The following COL13A1 variants were observed in gnomAD, a reference collection of about 807,000 sequenced individuals.
COL13A1 encodes the protein collagen alpha-1(XIII) chain.
Under a neutral mutation model 130.9 loss-of-function variants are expected in COL13A1, and 89 were observed. The observed-to-expected ratio is 0.68, with a 90% CI of 0.57 to 0.81. The LOEUF (loss-of-function observed/expected upper bound fraction) is 0.81, where lower values mean the gene tolerates loss of function less well. COL13A1 is among the 30% of genes least tolerant of loss of function. The pLI, the probability that COL13A1 is intolerant of heterozygous loss-of-function variation, is 0.00. For synonymous variants in COL13A1, 402 were observed against 341.6 expected (o/e 1.18, Z -1.95); for missense variants, 879 against 934.6 (o/e 0.94, Z 0.78).
intron 27 of COL13A1, 24 bp from the exon 28 acceptor site, chr10:69,928,913 A>G (rs1589586562): frequency 6.3e-7 from 1 of 1,599,222 alleles, no homozygotes. Flanking sequence ...CAGTTCTTCC[A>G]TGTGTCTTTC....
At position 69,875,169 on chromosome 10, in the gene COL13A1, T is replaced by C. The variant is rs2059451716; in HGVS notation, c.435+6T>C. On this transcript the variant is annotated splice_donor_region_variant and intron_variant, in intron 5 of 40. Coordinates refer to ENST00000645393, the MANE Select transcript of COL13A1 (RefSeq NM_001368882.1). Reference sequence around the variant, plus strand: ...TTGGGATGCCTGGACGTGTGGTGAGTTGGCCCGTTTGTACCTGCTCAGGTG... The same window carrying C: ...TTGGGATGCCTGGACGTGTGGTGAGCTGGCCCGTTTGTACCTGCTCAGGTG... The C allele has an allele frequency of 3.1e-6, 5 of 1,613,900 alleles. No individual in the cohort carries two copies. The highest frequency in any genetic ancestry group is 4.2e-6 in the Non-Finnish European group (5 of 1,179,856).
intron 5 of COL13A1, chr10:69,877,331 CCTGTGCT>C (rs1002787428): frequency 1.3e-5 from 2 of 153,070 alleles, no homozygotes; most frequent in Admixed American, 1.3e-4. Context: ...GCATCACTGA[CCTGTGCT>C]CCGTTCTTCC....
chr10:69,919,581 A>C (rs2064362128), intron 20 of COL13A1, 84 bp from the exon 21 acceptor site: 2 of 398,816 alleles, frequency 5.0e-6, no homozygotes, highest in Non-Finnish European at 8.8e-6. Context: ...TATTCTGGAA[A>C]TGCTGGTCAA....
At chr10:69,834,167 A>G (rs1439946208) in intron 2 of COL13A1, among the ~76,000 whole-genome samples, 1 of 152,112 alleles carries the variant, frequency 6.6e-6, no homozygotes, top group East Asian at 1.9e-4. Flanking sequence ...CATTAGTTCA[A>G]TTCTCACAAG....
chr10:69,919,710 G>T lies in COL13A1; in HGVS notation c.1072G>T (p.Gly358Ter). The T allele has an allele frequency of 2.5e-6, 1 of 398,852 alleles. No homozygotes were observed. Among genetic ancestry groups the T allele is most frequent in the Non-Finnish European group, 4.4e-6 (1 of 226,262 alleles). 24.7% of individuals were successfully genotyped at this position (398,852 alleles called of 1,614,324 possible). A position where few individuals can be genotyped will look rare whatever the true frequency, so the allele number is the denominator to read the frequency against. Residue 358 changes from glycine to a stop codon, truncating the protein, a stop_gained, in exon 21 of 41, where the codon GGA becomes TGA. Coordinates refer to ENST00000645393, the MANE Select transcript of COL13A1 (RefSeq NM_001368882.1). LOFTEE classifies it high-confidence loss of function. ...EGKPGPPGLLGKRGQRGEKGA... is the reference protein window; with the variant it reads ...EGKPGPPGLL ...GAAGCCGGGGCCCCCAGGTTTGCTG[G>T]GAAAGAGGGGGCAGAGGGTAGGATA...
chr10:69,933,991 T>A (rs61856644), intron 31 of COL13A1, among the ~76,000 whole-genome samples: 29,180 of 151,942 alleles, frequency 0.19, 3,597 homozygotes, highest in East Asian at 0.35. Flanking sequence ...TGAAAAAGAG[T>A]TGAAAACGAA....
chr10:69,934,498 C>A (rs2066568600), intron 31 of COL13A1, among the ~76,000 whole-genome samples: 1 of 152,214 alleles, frequency 6.6e-6, no homozygotes, highest in Admixed American at 6.5e-5. Context: ...GAGTCACTCC[C>A]CTGGCCATGC....
At chr10:69,816,945 T>G (rs1336457227) in intron 1 of COL13A1, among the ~76,000 whole-genome samples, 1 of 152,196 alleles carries the variant, frequency 6.6e-6, no homozygotes, top group Non-Finnish European at 1.5e-5. Context: ...AAGAGGATTA[T>G]TCTCTTTTCC....
intron 40 of COL13A1, among the ~76,000 whole-genome samples, chr10:69,958,019 G>A (rs558735134): frequency 1.3e-5 from 2 of 152,250 alleles, no homozygotes; most frequent in Non-Finnish European, 2.9e-5. Context: ...AGTGCACTGG[G>A]TTGGGTAAAA....
chr10:69,952,088 G>A (rs549296662), intron 38 of COL13A1, among the ~76,000 whole-genome samples: 11 of 152,196 alleles, frequency 7.2e-5, no homozygotes, highest in Non-Finnish European at 1.3e-4. Context: ...AGAAACAAAT[G>A]AATTCCTTAA....
intron 34 of COL13A1, among the ~76,000 whole-genome samples, chr10:69,940,123 G>A (rs2136058705): frequency 6.6e-6 from 1 of 152,164 alleles, no homozygotes; most frequent in South Asian, 2.1e-4. Flanking sequence ...CCCAGGGTTG[G>A]AACAGGAGTG....
At chr10:69,815,182 G>A (rs1462294492) in intron 1 of COL13A1, among the ~76,000 whole-genome samples, 4 of 152,282 alleles carry the variant, frequency 2.6e-5, no homozygotes, top group Admixed American at 2.6e-4. Context: ...TCTGGGCTGT[G>A]TCTATGCCAC....
intron 30 of COL13A1, 122 bp from the exon 31 acceptor site, chr10:69,932,438 G>A (rs185144680): frequency 1.5e-6 from 1 of 673,346 alleles, no homozygotes; most frequent in Non-Finnish European, 2.7e-6. Context: ...ATCCTCCATG[G>A]TGTTCCTTGT....
At chr10:69,929,095 A>T in intron 28 of COL13A1, 96 bp downstream of exon 28, 1 of 939,370 alleles carries the variant, frequency 1.1e-6, no homozygotes, top group South Asian at 1.6e-5. Context: ...TCCCAGCACT[A>T]CCACCATACC....
At chr10:69,809,915 C>T (rs1842512405) in intron 1 of COL13A1, among the ~76,000 whole-genome samples, 1 of 152,180 alleles carries the variant, frequency 6.6e-6, no homozygotes, top group Non-Finnish European at 1.5e-5. Flanking sequence ...CTGAACTGGC[C>T]ACTAGGAAGC....
Position 69,802,262 on chromosome 10 carries a change from G to A in COL13A1, c.-162G>A. On this transcript the variant is annotated 5_prime_UTR_variant, in exon 1 of 41. Transcript: ENST00000645393. ...CTTTTTCGGCACTTCCTCTCCTACT[G>A]CTAATTTTTCCGTCCTCTTTGCCGG... 1.2e-6 allele frequency: 1 copy of A among 849,696 alleles called. No individual in the cohort carries two copies. The highest frequency in any genetic ancestry group is 1.6e-6 in the Non-Finnish European group (1 of 607,976). The allele number at this position is 849,696 out of a possible 1,614,324, so 52.6% of individuals were successfully genotyped here.
intron 17 of COL13A1, among the ~76,000 whole-genome samples, chr10:69,906,287 C>A (rs932153301): frequency 2.6e-5 from 4 of 152,156 alleles, no homozygotes; most frequent in African/African-American, 9.7e-5. Context: ...CAAACCATTC[C>A]AAGTTTACTG....
At position 69,877,674 on chromosome 10, in the gene COL13A1, GTC is replaced by G. The variant is rs796795043; in HGVS notation, c.436-340_436-339del. 5.6e-3 allele frequency: 646 copies of G among 115,374 alleles called. 11 individuals are homozygous for G. Among genetic ancestry groups the G allele is most frequent in the African/African-American group, 0.018 (501 of 27,904 alleles). 7.1% of individuals were successfully genotyped at this position (115,374 alleles called of 1,614,324 possible). A position where few individuals can be genotyped will look rare whatever the true frequency, so the allele number is the denominator to read the frequency against. On this transcript the variant is annotated intron_variant, in intron 5 of 40. Transcript: ENST00000645393. Reference sequence around the variant, plus strand: ...TCTGGCTTTCTCTCTCTCTCTCTCTGTCTCTCTCTCTCTCTCTCTCTCTCTCA... The same window carrying G: ...TCTGGCTTTCTCTCTCTCTCTCTCTGTCTCTCTCTCTCTCTCTCTCTCTCA...
At chr10:69,917,376 T>TC (rs1280870469) in intron 18 of COL13A1, 43 bp downstream of exon 18, 7 of 1,556,686 alleles carry the variant, frequency 4.5e-6, no homozygotes, top group Middle Eastern at 1.7e-4. Flanking sequence ...CCAAGGCCCC[T>TC]CCCCCAGTGC....
Sources: gnomAD v4.1 joint callset for allele counts (sites outside exome capture counted in the v4.1 genomes callset) on GRCh38, gnomAD v4.1.1 for gene constraint, MANE v1.5 for transcripts, NCBI Gene and HGNC (gene_info 2026-07-23, HGNC 2026-07-21) for gene names.